Variants in RGS7BP observed in about 807,000 individuals in gnomAD.
RGS7BP encodes regulator of G protein signaling 7-binding protein.
In RGS7BP, 9 loss-of-function variants were observed where a neutral mutation model predicts 31.3. The ratio of observed to expected loss-of-function variants is 0.29; its 90% CI spans 0.17 to 0.50. The LOEUF (loss-of-function observed/expected upper bound fraction) is 0.50. Ranked by LOEUF, RGS7BP falls within the 20% of genes least tolerant of loss-of-function variation. RGS7BP has a pLI of 0.98. For synonymous variants in RGS7BP, 115 were observed against 120.1 expected (o/e 0.96, Z 0.28); for missense variants, 274 against 322.0 (o/e 0.85, Z 1.14).
intron 4 of RGS7BP, among the ~76,000 whole-genome samples, chr5:64,597,492 T>A (rs949921783): frequency 6.6e-6 from 1 of 151,922 alleles, no homozygotes; most frequent in African/African-American, 2.4e-5. Context: ...AGTTTTAGAA[T>A]TTGTTACTCT....
chr5:64,596,722 A>G (rs1350386002), intron 4 of RGS7BP, among the ~76,000 whole-genome samples: 2 of 152,186 alleles, frequency 1.3e-5, no homozygotes, highest in East Asian at 1.9e-4. Context: ...TTTTACAGGT[A>G]TATTTCCGCA....
intron 3 of RGS7BP, among the ~76,000 whole-genome samples, chr5:64,581,796 A>G (rs770388846): frequency 6.6e-6 from 1 of 152,168 alleles, no homozygotes; most frequent in Non-Finnish European, 1.5e-5. Context: ...CATAAGTCTG[A>G]TTGGTACAAT....
chr5:64,532,505 A>G (rs1749397136), intron 2 of RGS7BP, among the ~76,000 whole-genome samples: 1 of 152,194 alleles, frequency 6.6e-6, no homozygotes. Flanking sequence ...TTGTTTCTGG[A>G]AGTTGAATGT....
intron 2 of RGS7BP, among the ~76,000 whole-genome samples, chr5:64,516,595 T>C (rs1433340219): frequency 1.3e-5 from 2 of 152,246 alleles, no homozygotes; most frequent in African/African-American, 4.8e-5. Flanking sequence ...CCTAAAGCAG[T>C]GTTTCTTCAA....
In RGS7BP at chr5:64,571,595, T is replaced by G. The variant is rs150343463; in HGVS notation, c.333-4179T>G. Among the ~76,000 whole-genome samples the G allele has an allele frequency of 2.2e-3, 331 of 152,222 alleles. 2 individuals are homozygous for G. Among genetic ancestry groups the G allele is most frequent in the African/African-American group, 7.8e-3 (324 of 41,554 alleles). ...CACCAACATTGGGCATTATGAGTCT[T>G]TTTTACAGTTAGCCATTCTGGTAAG... is the stretch of plus-strand genomic sequence containing the variant. On this transcript the variant is annotated intron_variant, in intron 2 of 5. Transcript: ENST00000334025.
intron 2 of RGS7BP, among the ~76,000 whole-genome samples, chr5:64,568,069 A>G (rs1007663889): frequency 2.0e-5 from 3 of 151,736 alleles, no homozygotes; most frequent in Admixed American, 2.0e-4. Context: ...AAAATAATAT[A>G]TAGATATAAA....
chr5:64,531,599 T>C (rs1022927632), intron 2 of RGS7BP, among the ~76,000 whole-genome samples: 5 of 152,198 alleles, frequency 3.3e-5, no homozygotes, highest in Admixed American at 6.5e-5. Context: ...ATTCGTTTGT[T>C]CATTCATTCA....
Position 64,585,344 on chromosome 5 carries a change from G to C in RGS7BP, c.464-9366G>C, listed in dbSNP as rs538974619. ...TAAATTCACTTTACTGGACAACAGA[G>C]ACCAAACTAAGGACATCCAAAAAGA... is the stretch of plus-strand genomic sequence containing the variant. On this transcript the variant is annotated intron_variant, in intron 3 of 5. Coordinates refer to ENST00000334025, the MANE Select transcript of RGS7BP (RefSeq NM_001029875.3). Among the ~76,000 whole-genome samples the C allele has an allele frequency of 2.0e-5, 3 of 152,116 alleles. No homozygotes were observed. The South Asian group carries it at 6.2e-4, about 32-fold the overall frequency.
intron 2 of RGS7BP, among the ~76,000 whole-genome samples, chr5:64,543,649 G>T: frequency 6.6e-6 from 1 of 152,234 alleles, no homozygotes; most frequent in Admixed American, 6.5e-5. Flanking sequence ...CAATGTCCAG[G>T]TATAACCAAT....
intron 2 of RGS7BP, among the ~76,000 whole-genome samples, chr5:64,565,788 AT>A (rs1742154711): frequency 6.6e-6 from 1 of 152,110 alleles, no homozygotes; most frequent in South Asian, 2.1e-4. Flanking sequence ...GGAAGATGAT[AT>A]TTTCCATGTA....
intron 2 of RGS7BP, among the ~76,000 whole-genome samples, chr5:64,527,357 G>A (rs1749255614): frequency 1.3e-5 from 2 of 152,240 alleles, no homozygotes; most frequent in Admixed American, 6.5e-5. Context: ...GAGGTGAAGC[G>A]AGGACATGAT....
chr5:64,562,199 CT>C (rs1283100141), intron 2 of RGS7BP, among the ~76,000 whole-genome samples: 5 of 151,982 alleles, frequency 3.3e-5, no homozygotes, highest in Non-Finnish European at 1.5e-5. Context: ...TAATGCTTTT[CT>C]TTTTTTCCCC....
chr5:64,527,239 A>G (rs1056235270), intron 2 of RGS7BP, among the ~76,000 whole-genome samples: 6 of 152,206 alleles, frequency 3.9e-5, no homozygotes, highest in Admixed American at 3.9e-4. Context: ...CCTGCCTGGT[A>G]TAGAGCAGTG....
intron 4 of RGS7BP, among the ~76,000 whole-genome samples, chr5:64,597,242 C>A (rs964345339): frequency 6.6e-6 from 1 of 152,062 alleles, no homozygotes. Context: ...AGACTAGAAG[C>A]CTCCTGAGAT....
chr5:64,529,242 T>C (rs1036149154), intron 2 of RGS7BP, among the ~76,000 whole-genome samples: 2 of 152,224 alleles, frequency 1.3e-5, no homozygotes, highest in Non-Finnish European at 2.9e-5. Context: ...AAAGAATGCC[T>C]TAGAGAAATG....
At chr5:64,574,999 C>T (rs1353538570) in intron 2 of RGS7BP, among the ~76,000 whole-genome samples, 1 of 152,000 alleles carries the variant, frequency 6.6e-6, no homozygotes, top group Non-Finnish European at 1.5e-5. Flanking sequence ...ATTTTAGTTG[C>T]ATATAAAATA....
In RGS7BP at chr5:64,546,090, G is replaced by A. The variant is rs188888822; in HGVS notation, c.333-29684G>A. 2.3e-3 allele frequency among the ~76,000 whole-genome samples: 344 copies of A among 152,226 alleles called. 5 individuals are homozygous for A. Among genetic ancestry groups the A allele is most frequent in the African/African-American group, 7.3e-3 (301 of 41,510 alleles). Reference sequence around the variant, plus strand: ...AATTGTTTGAACCCTGGAGGGCGAGGTTGCGGTGAGCCAAGATCACGCCAC... The same window carrying A: ...AATTGTTTGAACCCTGGAGGGCGAGATTGCGGTGAGCCAAGATCACGCCAC... On this transcript the variant is annotated intron_variant, in intron 2 of 5. Coordinates refer to ENST00000334025, the MANE Select transcript of RGS7BP (RefSeq NM_001029875.3).
chr5:64,513,668 C>T (rs575366274), intron 2 of RGS7BP, among the ~76,000 whole-genome samples: 2 of 152,324 alleles, frequency 1.3e-5, no homozygotes, highest in East Asian at 1.9e-4. Context: ...TTGATCCACA[C>T]GGTGGAGGAG....
chr5:64,610,186 T>C lies in RGS7BP; in HGVS notation c.*934T>C, dbSNP rs538376864. ...CATTTTACATTGTTAATAAAGTTTTTTAGTTAAGCTAAGCTTGTCTCATTT... is the reference window on the plus strand; with the variant it reads ...CATTTTACATTGTTAATAAAGTTTTCTAGTTAAGCTAAGCTTGTCTCATTT... On this transcript the variant is annotated 3_prime_UTR_variant, in exon 6 of 6. Coordinates refer to ENST00000334025, the MANE Select transcript of RGS7BP (RefSeq NM_001029875.3). 1.8e-4 allele frequency: 28 copies of C among 152,582 alleles called. No individual in the cohort carries two copies. In the Middle Eastern group the frequency reaches 0.01, roughly 56 times the overall value. 9.5% of individuals were successfully genotyped at this position (152,582 alleles called of 1,614,324 possible).
Sources: gnomAD v4.1 joint callset for allele counts (sites outside exome capture counted in the v4.1 genomes callset) on GRCh38, gnomAD v4.1.1 for gene constraint, MANE v1.5 for transcripts, NCBI Gene and HGNC (gene_info 2026-07-23, HGNC 2026-07-21) for gene names.